Variants in TFAP2B observed in about 807,000 individuals in gnomAD.
TFAP2B encodes the protein transcription factor AP-2 beta.
In TFAP2B, 9 loss-of-function variants were observed where a neutral mutation model predicts 44.3. The ratio of observed to expected loss-of-function variants is 0.20; its 90% CI spans 0.12 to 0.35. The LOEUF (loss-of-function observed/expected upper bound fraction) is 0.35. Ranked by LOEUF, TFAP2B falls within the 10% of genes least tolerant of loss-of-function variation. The pLI is 1.00. For synonymous variants in TFAP2B, 270 were observed against 263.8 expected, an observed-to-expected ratio of 1.02 and a Z score of -0.23; for missense variants, 509 against 600.0, an observed-to-expected ratio of 0.85 and a Z score of 1.59.
At chr6:50,819,094 GCTTTTTTTAA>G in intron 1 of TFAP2B, 122 bp downstream of exon 1, 1 of 1,011,068 alleles carries the variant, frequency 9.9e-7, no homozygotes, top group Non-Finnish European at 1.5e-6. Flanking sequence ...GGTTTTCTCA[GCTTTTTTTAA>G]CTTTTAGAAA....
chr6:50,828,568 C>T (rs759497898), intron 2 of TFAP2B, 51 bp from the exon 3 acceptor site: 1 of 1,512,782 alleles, frequency 6.6e-7, no homozygotes, highest in South Asian at 1.1e-5. Context: ...TTTATGTGTG[C>T]AATTCTTTAA....
chr6:50,824,132 C>T (rs182954106), intron 2 of TFAP2B, among the ~76,000 whole-genome samples: 1 of 152,274 alleles, frequency 6.6e-6, no homozygotes, highest in Admixed American at 6.5e-5. Flanking sequence ...GCTTTGATAC[C>T]TTAAGATTAT....
chr6:50,823,282 G>A (rs992642520), intron 1 of TFAP2B, 125 bp from the exon 2 acceptor site: 2 of 859,514 alleles, frequency 2.3e-6, no homozygotes, highest in Non-Finnish European at 3.8e-6. Flanking sequence ...TACAAAAGCC[G>A]GGCTTCTCCA....
chr6:50,832,709 C>T (rs1240292536), intron 3 of TFAP2B, among the ~76,000 whole-genome samples: 1 of 152,008 alleles, frequency 6.6e-6, no homozygotes, highest in Non-Finnish European at 1.5e-5. Context: ...CCCTTCTCCT[C>T]ACCAGCAGAT....
Position 50,843,540 on chromosome 6 carries a change from C to G in TFAP2B, c.*148C>G. ...ACAATCAAAATTTTAAAAAAAAAAG[C>G]TAAATAACTTAAAAAAAAACTGAGG... On this transcript the variant is annotated 3_prime_UTR_variant, in exon 7 of 7. Coordinates refer to ENST00000393655, the MANE Select transcript of TFAP2B (RefSeq NM_003221.4). The G allele has an allele frequency of 1.2e-6, 1 of 868,128 alleles. No homozygotes were observed. 53.8% of individuals were successfully genotyped at this position (868,128 alleles called of 1,614,324 possible).
chr6:50,830,854 T>A lies in TFAP2B; in HGVS notation c.601+2175T>A, dbSNP rs894622809. Reference sequence around the variant, plus strand: ...AGAGATGTTTCCAAGAGATGAATTTTGTAAAAGAGGTGAGAAAGTCTTGTG... The same window carrying A: ...AGAGATGTTTCCAAGAGATGAATTTAGTAAAAGAGGTGAGAAAGTCTTGTG... On this transcript the variant is annotated intron_variant, in intron 3 of 6. Transcript: ENST00000393655. Among the ~76,000 whole-genome samples the A allele has an allele frequency of 6.6e-5, 10 of 152,164 alleles. 1 individual carries two copies. Among genetic ancestry groups the A allele is most frequent in the Non-Finnish European group, 1.5e-4 (10 of 68,036 alleles).
At chr6:50,841,348 T>C (rs533774017) in intron 6 of TFAP2B, among the ~76,000 whole-genome samples, 1 of 152,314 alleles carries the variant, frequency 6.6e-6, no homozygotes, top group South Asian at 2.1e-4. Flanking sequence ...GGTTTTCATC[T>C]GCTGTATCAA....
At chr6:50,827,598 T>C (rs1770563850) in intron 2 of TFAP2B, among the ~76,000 whole-genome samples, 1 of 152,186 alleles carries the variant, frequency 6.6e-6, no homozygotes, top group African/African-American at 2.4e-5. Context: ...AGCCCTTTGC[T>C]TTTTACTTCT....
intron 3 of TFAP2B, among the ~76,000 whole-genome samples, chr6:50,831,984 A>G (rs185679343): frequency 6.6e-4 from 100 of 152,272 alleles, no homozygotes; most frequent in African/African-American, 2.3e-3. Context: ...TTCCCCACAT[A>G]AACACTTTGA....
chr6:50,827,343 G>T lies in TFAP2B; in HGVS notation c.541-1276G>T, dbSNP rs1433962536. Among the ~76,000 whole-genome samples the T allele has an allele frequency of 3.3e-5, 5 of 152,304 alleles. No individual in the cohort carries two copies. The South Asian group carries it at 1.0e-3, about 32-fold the overall frequency. ...TTTTACTATTTCCTAAGATGTGCATGGCATGTTGCAGCAAGGATAACAATT... is the reference window on the plus strand; with the variant it reads ...TTTTACTATTTCCTAAGATGTGCATTGCATGTTGCAGCAAGGATAACAATT... On this transcript the variant is annotated intron_variant, in intron 2 of 6. Coordinates refer to ENST00000393655, the MANE Select transcript of TFAP2B (RefSeq NM_003221.4).
At chr6:50,839,723 T>C (rs905839047) in intron 5 of TFAP2B, among the ~76,000 whole-genome samples, 3 of 152,222 alleles carry the variant, frequency 2.0e-5, no homozygotes, top group Admixed American at 2.0e-4. Context: ...TGGGCTTGTT[T>C]TTATATATTT....
rs1762791911 is a variant in TFAP2B at position 50,844,087 on chromosome 6, G to A, written c.*695G>A. 1 of 152,312 alleles carries A rather than the reference G, an allele frequency of 6.6e-6. No homozygotes were observed. The highest frequency in any genetic ancestry group is 1.5e-5 in the Non-Finnish European group (1 of 68,148). The allele number at this position is 152,312 out of a possible 1,614,324, so 9.4% of individuals were successfully genotyped here. A position where few individuals can be genotyped will look rare whatever the true frequency, so the allele number is the denominator to read the frequency against. ...GGCGAGGGCGGGGCGGGAGGCCTGT[G>A]GAGACCAGGCGGAGGCTGCAATTTT... is the stretch of plus-strand genomic sequence containing the variant. On this transcript the variant is annotated 3_prime_UTR_variant, in exon 7 of 7. Transcript: ENST00000393655.
intron 4 of TFAP2B, among the ~76,000 whole-genome samples, chr6:50,837,771 A>G (rs988359): frequency 6.7e-6 from 1 of 148,370 alleles, no homozygotes; most frequent in Non-Finnish European, 1.5e-5. Context: ...AAAAAAGAAC[A>G]CTCAGTTAAA....
chr6:50,833,408 G>A (rs1225107812), intron 3 of TFAP2B, among the ~76,000 whole-genome samples: 1 of 152,050 alleles, frequency 6.6e-6, no homozygotes, highest in Non-Finnish European at 1.5e-5. Flanking sequence ...TAAGGAGAGA[G>A]GTTTAGAACA....
At chr6:50,826,383 G>A (rs1770503387) in intron 2 of TFAP2B, among the ~76,000 whole-genome samples, 1 of 152,222 alleles carries the variant, frequency 6.6e-6, no homozygotes, top group African/African-American at 2.4e-5. Context: ...CCACACTCAG[G>A]GCCACAGCCC....
rs750455379 is a variant in TFAP2B, at chr6:50,846,706, A to T, written c.*3314A>T. ...CAAGAAATGTCCTGTTTGGGTGAGG[A>T]TTCCGTCACCTAAAAAGATCTTTAA... On this transcript the variant is annotated 3_prime_UTR_variant, in exon 7 of 7. Transcript: ENST00000393655. The T allele has an allele frequency of 2.0e-5, 3 of 152,300 alleles. No individual in the cohort carries two copies. Among genetic ancestry groups the T allele is most frequent in the South Asian group, 2.1e-4 (1 of 4,826 alleles). 9.4% of individuals were successfully genotyped at this position (152,300 alleles called of 1,614,324 possible). A position where few individuals can be genotyped will look rare whatever the true frequency, so the allele number is the denominator to read the frequency against.
In TFAP2B at chr6:50,845,479, T is replaced by G. The variant is rs535827154; in HGVS notation, c.*2087T>G. 2.0e-5 allele frequency: 3 copies of G among 152,458 alleles called. No individual in the cohort carries two copies. Among genetic ancestry groups the G allele is most frequent in the African/African-American group, 7.2e-5 (3 of 41,468 alleles). 9.4% of individuals were successfully genotyped at this position (152,458 alleles called of 1,614,324 possible). ...CACACTGCAGCCCATCTCCAACCCC[T>G]AGCTTCGTTTAGCACTTCTGATCTT... is the stretch of plus-strand genomic sequence containing the variant. On this transcript the variant is annotated 3_prime_UTR_variant, in exon 7 of 7. Coordinates refer to ENST00000393655, the MANE Select transcript of TFAP2B (RefSeq NM_003221.4).
At chr6:50,837,858 T>C in intron 4 of TFAP2B, 117 bp from the exon 5 acceptor site, 1 of 847,478 alleles carries the variant, frequency 1.2e-6, no homozygotes, top group Non-Finnish European at 2.0e-6. Context: ...GGGGGAAAAA[T>C]GTGCTAACCT....
chr6:50,837,623 A>G (rs1467828919), intron 4 of TFAP2B, among the ~76,000 whole-genome samples: 1 of 152,108 alleles, frequency 6.6e-6, no homozygotes, highest in Non-Finnish European at 1.5e-5. Context: ...GTGCTTGCCC[A>G]GTTTCTGCTC....
Sources: gnomAD v4.1 joint callset for allele counts (sites outside exome capture counted in the v4.1 genomes callset) on GRCh38, gnomAD v4.1.1 for gene constraint, MANE v1.5 for transcripts, NCBI Gene and HGNC (gene_info 2026-07-23, HGNC 2026-07-21) for gene names.